The following RAET1E variants were observed in gnomAD, a reference collection of about 807,000 sequenced individuals.
RAET1E encodes retinoic acid early transcript 1E, also known as NKG2D ligand 4.
In RAET1E, 27 loss-of-function variants were observed where a neutral mutation model predicts 21.1. That is an observed-to-expected ratio of 1.28 (90% CI 0.94 to 1.76). The LOEUF (loss-of-function observed/expected upper bound fraction) is 1.76, where lower values mean the gene tolerates loss of function less well. Ranked by LOEUF, RAET1E falls within the 40% of genes most tolerant of loss-of-function variation. The pLI, the probability that RAET1E is intolerant of heterozygous loss-of-function variation, is 0.00. For missense variants in RAET1E, 310 were observed against 311.3 expected (o/e 1.00, Z 0.03); for synonymous variants, 113 against 115.0 (o/e 0.98, Z 0.11).
Position 149,888,425 on chromosome 6 carries a change from G to T in RAET1E, c.*73C>A. On this transcript the variant is annotated 3_prime_UTR_variant, in exon 6 of 6. Transcript: ENST00000357183. ...AAGACTAAGGCAGTGCACCATTTCT[G>T]TGGAGAGAGATGGATCAGGGAGCGG... 1 of 1,552,962 alleles carries T rather than the reference G, an allele frequency of 6.4e-7. No homozygotes were observed. Among genetic ancestry groups the T allele is most frequent in the Non-Finnish European group, 8.8e-7 (1 of 1,138,988 alleles).
In RAET1E at chr6:149,884,844, T is replaced by C. The variant is rs1472397822; in HGVS notation, c.*3654A>G. On this transcript the variant is annotated 3_prime_UTR_variant, in exon 6 of 6. Transcript: ENST00000357183. ...AGGTCCAGAGCACTGAGGGTGGGGCTTGGCACGACGCCATTTGCCAGGATT... is the reference window on the plus strand; with the variant it reads ...AGGTCCAGAGCACTGAGGGTGGGGCCTGGCACGACGCCATTTGCCAGGATT... Among the ~76,000 whole-genome samples the C allele has an allele frequency of 6.6e-6, 1 of 152,148 alleles. No homozygotes were observed. Among genetic ancestry groups the C allele is most frequent in the East Asian group, 1.9e-4 (1 of 5,186 alleles).
At chr6:149,890,182 G>T (rs541691801) in intron 3 of RAET1E, 37 bp from the exon 4 acceptor site, 35 of 1,608,562 alleles carry the variant, frequency 2.2e-5, no homozygotes, top group Non-Finnish European at 3.0e-5. Context: ...CCAGGACAGG[G>T]GAAGAGGCCC....
intron 2 of RAET1E, chr6:149,895,447 G>C (rs1194561722): frequency 5.3e-5 from 8 of 152,272 alleles, no homozygotes. Context: ...GCTGCAGTGG[G>C]CTCCGCCCAG....
At chr6:149,892,844 A>T (rs1400268905) in intron 2 of RAET1E, among the ~76,000 whole-genome samples, 7 of 152,136 alleles carry the variant, frequency 4.6e-5, no homozygotes, top group Non-Finnish European at 7.3e-5. Flanking sequence ...CCTATGTCTT[A>T]TGTTTAAGTC....
At position 149,889,541 on chromosome 6, in the gene RAET1E, A is replaced by G; in HGVS notation, c.429T>C (p.Asn143=). ...CGTCAAAGAGGAGGGATTTCTCTCC[A>G]TTGGTGGCGAACTGCCAGGATGCAC... ...CTGASWQFAT[N]GEKSLLFDAM... Residue 143 remains asparagine, a synonymous_variant, in exon 5 of 6, where the codon AAT becomes AAC. Coordinates refer to ENST00000357183, the MANE Select transcript of RAET1E (RefSeq NM_001394057.1). The G allele has an allele frequency of 6.2e-7, 1 of 1,614,116 alleles. No individual in the cohort carries two copies. The highest frequency in any genetic ancestry group is 1.1e-5 in the South Asian group (1 of 91,084).
chr6:149,897,706 G>C (rs1778170906), intron 1 of RAET1E, among the ~76,000 whole-genome samples: 1 of 152,136 alleles, frequency 6.6e-6, no homozygotes, highest in Non-Finnish European at 1.5e-5. Flanking sequence ...GAAGGAGTTA[G>C]GGCAGGAGAA....
chr6:149,897,205 A>T (rs1391103332), intron 1 of RAET1E, among the ~76,000 whole-genome samples: 1 of 151,992 alleles, frequency 6.6e-6, no homozygotes, highest in Non-Finnish European at 1.5e-5. Context: ...GCTAATTTTT[A>T]AATTTTTGGT....
chr6:149,894,629 C>A (rs1778041609), intron 2 of RAET1E, among the ~76,000 whole-genome samples: 1 of 152,078 alleles, frequency 6.6e-6, no homozygotes, highest in African/African-American at 2.4e-5. Context: ...TCCATCAGGT[C>A]ATTTATGTTC....
intron 5 of RAET1E, among the ~76,000 whole-genome samples, chr6:149,888,928 T>C (rs1562464273): frequency 6.6e-6 from 1 of 152,212 alleles, no homozygotes; most frequent in Non-Finnish European, 1.5e-5. Context: ...TCACGATTAC[T>C]GTGGTTAGAA....
In RAET1E at chr6:149,887,125, G is replaced by T. The variant is rs58336137; in HGVS notation, c.*1373C>A. Among the ~76,000 whole-genome samples the T allele has an allele frequency of 0.02, 2,992 of 152,256 alleles. 117 individuals carry two copies. Among genetic ancestry groups the T allele is most frequent in the African/African-American group, 0.069 (2,875 of 41,528 alleles). On this transcript the variant is annotated 3_prime_UTR_variant, in exon 6 of 6. Coordinates refer to ENST00000357183, the MANE Select transcript of RAET1E (RefSeq NM_001394057.1). ...AGGAAGCCCTTCAGCAGCCGACTCG[G>T]TTACCAGGATGAGGCTAGAGGCCAG... is the stretch of plus-strand genomic sequence containing the variant.
rs200404534 is a variant in RAET1E, at chr6:149,889,526, G to A, written c.444C>T (p.Leu148=). ...AGGTCATGTTCATTGCGTCAAAGAG[G>A]AGGGATTTCTCTCCATTGGTGGCGA... ...WQFATNGEKS[L]LFDAMNMTWT... is the part of the protein sequence containing the mutation. The change falls in exon 5 of 6, where the codon CTC becomes CTT. Residue 148 remains leucine (L), a synonymous_variant. Coordinates refer to ENST00000357183, the MANE Select transcript of RAET1E (RefSeq NM_001394057.1). 95 of 1,614,154 alleles carry A rather than the reference G, an allele frequency of 5.9e-5. 1 individual carries two copies. In the Middle Eastern group the frequency reaches 1.5e-3, roughly 25 times the overall value.
At chr6:149,890,774 C>G (rs750620447) in intron 3 of RAET1E, 43 bp downstream of exon 3, 1 of 1,420,078 alleles carries the variant, frequency 7.0e-7, no homozygotes, top group South Asian at 1.2e-5. Flanking sequence ...ACCTTTCTCC[C>G]TCCTCCTTGT....
intron 1 of RAET1E, among the ~76,000 whole-genome samples, chr6:149,896,644 T>G (rs201239482): frequency 1.3e-5 from 2 of 148,784 alleles, no homozygotes; most frequent in South Asian, 2.2e-4. Flanking sequence ...ATGTGTGTGT[T>G]TGTGTGTGTG....
chr6:149,885,305 C>T lies in RAET1E; in HGVS notation c.*3193G>A, dbSNP rs1283333946. Among the ~76,000 whole-genome samples, 1 of 152,166 alleles carries T rather than the reference C, an allele frequency of 6.6e-6. No homozygotes were observed. Among genetic ancestry groups the T allele is most frequent in the Non-Finnish European group, 1.5e-5 (1 of 68,026 alleles). On this transcript the variant is annotated 3_prime_UTR_variant, in exon 6 of 6. Coordinates refer to ENST00000357183, the MANE Select transcript of RAET1E (RefSeq NM_001394057.1). ...AAAGGTCCCTGTTCACCTCAGGGCC[C>T]ACTTGCAAAGCAGAGACAGTCCCCG...
Position 149,884,953 on chromosome 6 carries a change from T to A in RAET1E, c.*3545A>T, listed in dbSNP as rs1582757198. On this transcript the variant is annotated 3_prime_UTR_variant, in exon 6 of 6. Coordinates refer to ENST00000357183, the MANE Select transcript of RAET1E (RefSeq NM_001394057.1). ...TGCTGTCCTCACAGAGTGTCTAGGG[T>A]TCACTTTCAGCCTTCCCTTCTGCTC... 6.6e-6 allele frequency among the ~76,000 whole-genome samples: 1 copy of A among 152,084 alleles called. No individual in the cohort carries two copies. Among genetic ancestry groups the A allele is most frequent in the South Asian group, 2.1e-4 (1 of 4,820 alleles).
In RAET1E at chr6:149,884,607, A is replaced by G. The variant is rs1376208890; in HGVS notation, c.*3891T>C. On this transcript the variant is annotated 3_prime_UTR_variant, in exon 6 of 6. Coordinates refer to ENST00000357183, the MANE Select transcript of RAET1E (RefSeq NM_001394057.1). The stretch of plus-strand genomic sequence containing the variant: ...CTCAGATCCCACCTCTCTCTCAGGG[A>G]GAGATCAGCCGCTATTGTTCACATT... 21 of 991,202 alleles carry G rather than the reference A, an allele frequency of 2.1e-5. No homozygotes were observed. Among genetic ancestry groups the G allele is most frequent in the Non-Finnish European group, 3.1e-5 (20 of 653,832 alleles). The allele number at this position is 991,202 out of a possible 1,614,324, so 61.4% of individuals were successfully genotyped here. A position where few individuals can be genotyped will look rare whatever the true frequency, so the allele number is the denominator to read the frequency against.
rs117038946 is a variant in RAET1E at position 149,897,543 on chromosome 6, C to T, written c.-321+478G>A. 9.9e-5 allele frequency among the ~76,000 whole-genome samples: 15 copies of T among 152,268 alleles called. No homozygotes were observed. In the East Asian group the frequency reaches 1.7e-3, roughly 18 times the overall value. ...TGGCAGTGTGCCCTGGGCTTCTAAC[C>T]GTCCTCTCCCTGCCCCAGCTGCCTT... On this transcript the variant is annotated intron_variant, in intron 1 of 5. Coordinates refer to ENST00000357183, the MANE Select transcript of RAET1E (RefSeq NM_001394057.1).
In RAET1E at chr6:149,888,601, A is replaced by C. The variant is rs1274579066; in HGVS notation, c.689T>G (p.Leu230Arg). 1.9e-6 allele frequency: 3 copies of C among 1,611,598 alleles called. No individual in the cohort carries two copies. The African/African-American group carries it at 4.0e-5, about 22-fold the overall frequency. The change falls in exon 6 of 6, where the codon CTG becomes CGG. Residue 230 changes from leucine to arginine, a missense_variant. Transcript: ENST00000357183. ...SSSLPDRWII[L>R]GAFILLVLMG... Reference sequence around the variant, plus strand: ...TAAAACTAACAGGATGAATGCCCCCAGGATGATCCATCTATCTGGTAGACT... The same window carrying C: ...TAAAACTAACAGGATGAATGCCCCCCGGATGATCCATCTATCTGGTAGACT...
rs7757984 is a variant in RAET1E at position 149,887,515 on chromosome 6, A to T, written c.*983T>A. The stretch of plus-strand genomic sequence containing the variant: ...AGCCTGTTGTGACACCGATCTTGGC[A>T]AACTCACTTTTCATGTCAGGGCCCC... On this transcript the variant is annotated 3_prime_UTR_variant, in exon 6 of 6. Coordinates refer to ENST00000357183, the MANE Select transcript of RAET1E (RefSeq NM_001394057.1). 1.3e-5 allele frequency among the ~76,000 whole-genome samples: 2 copies of T among 152,090 alleles called. No individual in the cohort carries two copies. The highest frequency in any genetic ancestry group is 4.8e-5 in the African/African-American group (2 of 41,440).
Sources: gnomAD v4.1 joint callset for allele counts (sites outside exome capture counted in the v4.1 genomes callset) on GRCh38, gnomAD v4.1.1 for gene constraint, MANE v1.5 for transcripts, NCBI Gene and HGNC (gene_info 2026-07-23, HGNC 2026-07-21) for gene names.